CNTNAP2: variants seen among roughly 807,000 people sequenced by gnomAD.
The protein encoded by CNTNAP2 is contactin associated protein 2.
Under a neutral mutation model 155.2 loss-of-function variants are expected in CNTNAP2, and 98 were observed. That is an observed-to-expected ratio of 0.63 (90% CI 0.54 to 0.75). The LOEUF (loss-of-function observed/expected upper bound fraction) is 0.75, where lower values mean the gene tolerates loss of function less well. Ranked by LOEUF, CNTNAP2 falls within the 30% of genes least tolerant of loss-of-function variation. The pLI is 0.00. For missense variants in CNTNAP2, 1,727 were observed against 1,688.1 expected (o/e 1.02, Z -0.40); for synonymous variants, 651 against 631.2 (o/e 1.03, Z -0.47).
At chr7:147,633,234 C>A (rs28815308) in intron 12 of CNTNAP2, among the ~76,000 whole-genome samples, 13,691 of 152,270 alleles carry the variant, frequency 0.09, 1,715 homozygotes, top group African/African-American at 0.26. Flanking sequence ...TCCATGGTGA[C>A]TTTCACATGA....
At chr7:146,191,100 G>A (rs1798696379) in intron 1 of CNTNAP2, among the ~76,000 whole-genome samples, 1 of 144,134 alleles carries the variant, frequency 6.9e-6, no homozygotes, top group Non-Finnish European at 1.5e-5. Flanking sequence ...TTCAATGTAG[G>A]TTCTTTTCAG....
chr7:147,242,496 G>A (rs1028208444), intron 8 of CNTNAP2, among the ~76,000 whole-genome samples: 2 of 152,106 alleles, frequency 1.3e-5, no homozygotes, highest in African/African-American at 2.4e-5. Context: ...ATCTGTGGTA[G>A]TATGACAGAA....
intron 1 of CNTNAP2, among the ~76,000 whole-genome samples, chr7:146,395,667 T>C (rs745382848): frequency 1.8e-4 from 27 of 152,096 alleles, no homozygotes; most frequent in Middle Eastern, 3.2e-3. Flanking sequence ...AGTTAAAAAG[T>C]GCATTCGATG....
At chr7:146,486,779 T>G (rs775667637) in intron 1 of CNTNAP2, among the ~76,000 whole-genome samples, 2 of 152,194 alleles carry the variant, frequency 1.3e-5, no homozygotes, top group Non-Finnish European at 2.9e-5. Context: ...GCTTGACAGA[T>G]GGTACTTTGC....
chr7:147,195,228 T>G (rs76447486), intron 8 of CNTNAP2, among the ~76,000 whole-genome samples: 1 of 152,128 alleles, frequency 6.6e-6, no homozygotes, highest in South Asian at 2.1e-4. Flanking sequence ...ATCAGATGAT[T>G]GTACATGTGT....
intron 21 of CNTNAP2, among the ~76,000 whole-genome samples, chr7:148,351,744 C>CAAAAAGAAAAAAAAAAAAAAA (rs1798430409): frequency 1.2e-5 from 1 of 85,396 alleles, no homozygotes; most frequent in Non-Finnish European, 2.1e-5. Context: ...CTCTGTCTCA[C>CAAAAAGAAAAAAAAAAAAAAA]AAAAAAAAAA....
At chr7:147,488,433 G>A (rs1478169615) in intron 11 of CNTNAP2, among the ~76,000 whole-genome samples, 2 of 152,136 alleles carry the variant, frequency 1.3e-5, no homozygotes, top group Non-Finnish European at 2.9e-5. Context: ...TGCTTATTCT[G>A]TATTCTGTGG....
At position 146,341,726 on chromosome 7, in the gene CNTNAP2, C is replaced by CA. The variant is rs200096034; in HGVS notation, c.97+224761dup. ...CTAGTGTTAATTTCAAAAACAAAAA[C>CA]AAAAAAAACCCCTGAAAAACAAAAG... is the stretch of plus-strand genomic sequence containing the variant. On this transcript the variant is annotated intron_variant, in intron 1 of 23. Coordinates refer to ENST00000361727, the MANE Select transcript of CNTNAP2 (RefSeq NM_014141.6). 9.6e-3 allele frequency among the ~76,000 whole-genome samples: 1,453 copies of CA among 151,414 alleles called. 21 individuals carry two copies. Among genetic ancestry groups the CA allele is most frequent in the African/African-American group, 0.033 (1,370 of 41,310 alleles).
intron 21 of CNTNAP2, among the ~76,000 whole-genome samples, chr7:148,316,631 T>C (rs1280622593): frequency 4.6e-5 from 7 of 152,132 alleles, no homozygotes; most frequent in Admixed American, 3.9e-4. Flanking sequence ...CCTTGCAAGA[T>C]CCAACACAAA....
intron 1 of CNTNAP2, among the ~76,000 whole-genome samples, chr7:146,740,223 G>A (rs181239836): frequency 6.9e-6 from 1 of 144,522 alleles, no homozygotes; most frequent in East Asian, 2.0e-4. Context: ...TGCTTGTTCA[G>A]TTTTTCTTTT....
chr7:147,781,561 G>A (rs920497879), intron 13 of CNTNAP2, among the ~76,000 whole-genome samples: 7 of 152,198 alleles, frequency 4.6e-5, no homozygotes, highest in Admixed American at 1.3e-4. Context: ...AAGACTCTCA[G>A]AATCTCCAGT....
intron 1 of CNTNAP2, among the ~76,000 whole-genome samples, chr7:146,468,083 G>T (rs916363388): frequency 6.6e-6 from 1 of 152,168 alleles, no homozygotes; most frequent in African/African-American, 2.4e-5. Flanking sequence ...AGTATAGAAA[G>T]ATTTTGGGTG....
At chr7:147,658,412 C>T (rs1795561153) in intron 13 of CNTNAP2, among the ~76,000 whole-genome samples, 1 of 152,264 alleles carries the variant, frequency 6.6e-6, no homozygotes, top group African/African-American at 2.4e-5. Context: ...AATCAAAATG[C>T]CATTAAATTA....
chr7:147,238,522 T>C (rs1397774540), intron 8 of CNTNAP2, among the ~76,000 whole-genome samples: 1 of 152,170 alleles, frequency 6.6e-6, no homozygotes, highest in Non-Finnish European at 1.5e-5. Context: ...ATGGTTTCAA[T>C]GGAATGCTAT....
At chr7:148,372,117 G>T (rs575797435) in intron 21 of CNTNAP2, among the ~76,000 whole-genome samples, 1 of 151,990 alleles carries the variant, frequency 6.6e-6, no homozygotes, top group African/African-American at 2.4e-5. Context: ...CAGGAGCATC[G>T]CGTGAACCTG....
intron 9 of CNTNAP2, among the ~76,000 whole-genome samples, chr7:147,332,826 C>A (rs984790005): frequency 1.3e-5 from 2 of 152,090 alleles, no homozygotes; most frequent in East Asian, 3.9e-4. Context: ...CATGCCACTG[C>A]GCTCCATCCT....
rs1219392479 is a variant in CNTNAP2 at position 146,436,986 on chromosome 7, C to A, written c.97+320013C>A. Among the ~76,000 whole-genome samples the A allele has an allele frequency of 5.3e-5, 8 of 151,384 alleles. No homozygotes were observed. In the East Asian group the frequency reaches 1.5e-3, roughly 29 times the overall value. On this transcript the variant is annotated intron_variant, in intron 1 of 23. Transcript: ENST00000361727. ...TTCTAAACCATGGGTCCCCAACTGC[C>A]GGGCCACAGACTGATGCTGGTGTAT...
intron 1 of CNTNAP2, among the ~76,000 whole-genome samples, chr7:146,523,384 T>C (rs1159814075): frequency 2.6e-5 from 4 of 152,014 alleles, no homozygotes; most frequent in Non-Finnish European, 4.4e-5. Flanking sequence ...TTTTAATTTT[T>C]CTCCCTGGAT....
intron 11 of CNTNAP2, among the ~76,000 whole-genome samples, chr7:147,500,835 T>C (rs1798796634): frequency 6.6e-6 from 1 of 152,186 alleles, no homozygotes; most frequent in Non-Finnish European, 1.5e-5. Flanking sequence ...ATATTCTTTA[T>C]GCCAAGTTTT....
Sources: gnomAD v4.1 joint callset for allele counts (sites outside exome capture counted in the v4.1 genomes callset) on GRCh38, gnomAD v4.1.1 for gene constraint, MANE v1.5 for transcripts, NCBI Gene and HGNC (gene_info 2026-07-23, HGNC 2026-07-21) for gene names.